Variants in MAGI2 observed in about 807,000 individuals in gnomAD.
The protein encoded by MAGI2 is membrane associated guanylate kinase, WW and PDZ domain containing 2.
MAGI2 carries 35 observed loss-of-function variants against 133.3 expected under a neutral mutation model. That is an observed-to-expected ratio of 0.26 (90% CI 0.20 to 0.35). The LOEUF is 0.35. Among genes scored for constraint, MAGI2 ranks in the 10% least tolerant of loss-of-function variants. The pLI is 1.00. For synonymous variants in MAGI2, 729 were observed against 710.6 expected (o/e 1.03, Z -0.41); for missense variants, 1,636 against 1,863.4 (o/e 0.88, Z 2.25).
intron 1 of MAGI2, among the ~76,000 whole-genome samples, chr7:79,280,293 G>C (rs1406569444): frequency 6.6e-6 from 1 of 152,036 alleles, no homozygotes. Flanking sequence ...GACAATGAGA[G>C]GGCAAAGCAA....
chr7:78,778,614 T>C (rs1053315965), intron 2 of MAGI2, among the ~76,000 whole-genome samples: 4 of 152,022 alleles, frequency 2.6e-5, no homozygotes, highest in African/African-American at 9.7e-5. Flanking sequence ...CAAATTAGAG[T>C]AAAGGAAAAT....
At chr7:78,231,442 A>G (rs192062716) in intron 10 of MAGI2, among the ~76,000 whole-genome samples, 2 of 152,374 alleles carry the variant, frequency 1.3e-5, no homozygotes, top group Admixed American at 1.3e-4. Flanking sequence ...AATCAGTACA[A>G]CAATTGATGA....
intron 2 of MAGI2, among the ~76,000 whole-genome samples, chr7:78,861,743 A>G (rs1052087048): frequency 1.3e-5 from 2 of 152,232 alleles, no homozygotes; most frequent in African/African-American, 4.8e-5. Context: ...TAATATTTGG[A>G]TACTATAAAA....
intron 3 of MAGI2, among the ~76,000 whole-genome samples, chr7:78,574,183 C>G (rs1802030403): frequency 6.6e-6 from 1 of 152,128 alleles, no homozygotes; most frequent in Non-Finnish European, 1.5e-5. Flanking sequence ...TCAGCAAGCC[C>G]CAGTGCCTCC....
At chr7:78,366,015 C>T (rs1156823352) in intron 7 of MAGI2, among the ~76,000 whole-genome samples, 9 of 152,110 alleles carry the variant, frequency 5.9e-5, no homozygotes, top group Non-Finnish European at 7.4e-5. Flanking sequence ...TGTCCATGCA[C>T]GTAAGCTTTT....
chr7:79,064,049 T>G (rs550349100), intron 1 of MAGI2, among the ~76,000 whole-genome samples: 1 of 152,196 alleles, frequency 6.6e-6, no homozygotes, highest in African/African-American at 2.4e-5. Context: ...CCAGTGTTGA[T>G]ACTTTTGATG....
intron 16 of MAGI2, among the ~76,000 whole-genome samples, chr7:78,151,064 A>ATATT (rs1263792960): frequency 1.4e-5 from 2 of 143,870 alleles, no homozygotes; most frequent in Non-Finnish European, 3.0e-5. Context: ...ATTTATATTT[A>ATATT]TATTTATATT....
intron 14 of MAGI2, among the ~76,000 whole-genome samples, chr7:78,176,036 G>A (rs1035896007): frequency 6.6e-6 from 1 of 152,156 alleles, no homozygotes; most frequent in Non-Finnish European, 1.5e-5. Context: ...AACAAGGTAA[G>A]TTATAGAGGG....
chr7:78,283,353 T>C (rs1795819599), intron 9 of MAGI2, among the ~76,000 whole-genome samples: 1 of 152,124 alleles, frequency 6.6e-6, no homozygotes, highest in Non-Finnish European at 1.5e-5. Flanking sequence ...AATAACAAGC[T>C]GTCCTTGAAA....
intron 2 of MAGI2, among the ~76,000 whole-genome samples, chr7:78,950,034 T>A (rs774601206): frequency 6.6e-6 from 1 of 152,130 alleles, no homozygotes; most frequent in African/African-American, 2.4e-5. Flanking sequence ...TCATCTGTAG[T>A]CTAAGACTCT....
chr7:78,691,965 G>T (rs1817005641), intron 2 of MAGI2, among the ~76,000 whole-genome samples: 1 of 152,096 alleles, frequency 6.6e-6, no homozygotes, highest in Non-Finnish European at 1.5e-5. Flanking sequence ...ACTCCGGTGG[G>T]CATGTTAATA....
At chr7:78,926,336 G>T (rs560709308) in intron 2 of MAGI2, among the ~76,000 whole-genome samples, 14 of 151,950 alleles carry the variant, frequency 9.2e-5, no homozygotes, top group Admixed American at 1.3e-4. Flanking sequence ...AGATAAATAC[G>T]TTCTGGGTAT....
At chr7:79,074,938 G>C (rs1466299669) in intron 1 of MAGI2, among the ~76,000 whole-genome samples, 1 of 152,306 alleles carries the variant, frequency 6.6e-6, no homozygotes, top group East Asian at 1.9e-4. Flanking sequence ...GGTACTTCCA[G>C]AGTTTGGTAT....
At chr7:79,237,719 A>T (rs1443769553) in intron 1 of MAGI2, among the ~76,000 whole-genome samples, 1 of 152,190 alleles carries the variant, frequency 6.6e-6, no homozygotes, top group African/African-American at 2.4e-5. Context: ...ATAGCCCTAA[A>T]TACATTTTAC....
intron 21 of MAGI2, among the ~76,000 whole-genome samples, chr7:78,026,877 T>C (rs554598323): frequency 1.3e-5 from 2 of 152,344 alleles, no homozygotes; most frequent in East Asian, 1.9e-4. Flanking sequence ...AGAAGCATTA[T>C]TGCTATTGAT....
chr7:78,421,114 A>G (rs1490346546), intron 6 of MAGI2, among the ~76,000 whole-genome samples: 1 of 152,208 alleles, frequency 6.6e-6, no homozygotes, highest in African/African-American at 2.4e-5. Context: ...GTTGCAAACA[A>G]TCACCTTGTC....
At chr7:78,756,277 C>T (rs1210535046) in intron 2 of MAGI2, among the ~76,000 whole-genome samples, 1 of 152,138 alleles carries the variant, frequency 6.6e-6, no homozygotes, top group Admixed American at 6.6e-5. Context: ...ATAAATTATT[C>T]CCCACTGTAA....
intron 21 of MAGI2, among the ~76,000 whole-genome samples, chr7:78,044,678 C>CGTGTGTGT (rs58076536): frequency 0.098 from 12,440 of 126,344 alleles, 624 homozygotes; most frequent in South Asian, 0.17. Context: ...GCTAATGTAC[C>CGTGTGTGT]GTGTGTGTGT....
At chr7:79,131,814 A>C (rs1384907832) in intron 1 of MAGI2, among the ~76,000 whole-genome samples, 1 of 152,166 alleles carries the variant, frequency 6.6e-6, no homozygotes, top group Non-Finnish European at 1.5e-5. Flanking sequence ...AGTTAAAATC[A>C]TTTATTTCTA....
Sources: gnomAD v4.1 joint callset for allele counts (sites outside exome capture counted in the v4.1 genomes callset) on GRCh38, gnomAD v4.1.1 for gene constraint, MANE v1.5 for transcripts, NCBI Gene and HGNC (gene_info 2026-07-23, HGNC 2026-07-21) for gene names.